Variants in IRAK1BP1 observed in about 807,000 individuals in gnomAD.
IRAK1BP1 encodes interleukin-1 receptor-associated kinase 1-binding protein 1.
Under a neutral mutation model 28.0 loss-of-function variants are expected in IRAK1BP1, and 24 were observed. That is an observed-to-expected ratio of 0.86 (90% CI 0.62 to 1.20). The LOEUF is 1.20. Ranked by LOEUF, IRAK1BP1 falls within the 50% of genes most tolerant of loss-of-function variation. The pLI is 0.00. For synonymous variants in IRAK1BP1, 131 were observed against 116.3 expected (o/e 1.13, Z -0.81); for missense variants, 336 against 316.7 (o/e 1.06, Z -0.46).
intron 4 of IRAK1BP1, among the ~76,000 whole-genome samples, chr6:78,929,216 G>A (rs887107017): frequency 6.6e-6 from 1 of 152,006 alleles, no homozygotes; most frequent in Non-Finnish European, 1.5e-5. Flanking sequence ...TGAAGTTTTG[G>A]ATTTCTTAAT....
chr6:78,880,755 G>A (rs1771200255), intron 1 of IRAK1BP1, among the ~76,000 whole-genome samples: 2 of 152,088 alleles, frequency 1.3e-5, no homozygotes, highest in South Asian at 2.1e-4. Context: ...TTATACAGAT[G>A]GCAAATAGGC....
downstream of IRAK1BP1, among the ~76,000 whole-genome samples, chr6:78,905,154 TGAAAAA>T (rs1160242003): frequency 2.6e-5 from 4 of 152,266 alleles, no homozygotes; most frequent in African/African-American, 7.2e-5. Flanking sequence ...ATTAAATACT[TGAAAAA>T]GAAGAAATAG....
At chr6:78,968,264 A>T in the IRAK1BP1 span, among the ~76,000 whole-genome samples, 1 of 152,242 alleles carries the variant, frequency 6.6e-6, no homozygotes, top group African/African-American at 2.4e-5. Context: ...CTACTTCTTG[A>T]CTTACAGATT....
chr6:78,907,719 TTTA>T (rs968546101), downstream of IRAK1BP1, among the ~76,000 whole-genome samples: 3 of 152,054 alleles, frequency 2.0e-5, no homozygotes, highest in African/African-American at 7.2e-5. Flanking sequence ...TTTTTATTTA[TTTA>T]TTATTATTTT....
intron 4 of IRAK1BP1, chr6:78,937,736 A>C (rs1379050143): frequency 6.6e-6 from 1 of 151,762 alleles, no homozygotes; most frequent in Non-Finnish European, 1.5e-5. Flanking sequence ...ATAGCAGGTC[A>C]CAAAGGATAA....
chr6:78,945,425 T>C (rs748557453), exon 5 of IRAK1BP1: 1 of 1,611,354 alleles, frequency 6.2e-7, no homozygotes, highest in Non-Finnish European at 8.5e-7. Context: ...CCTAGTGCCA[T>C]GACTAAAACT....
the IRAK1BP1 span, chr6:78,957,838 TAATA>T: frequency 6.6e-6 from 1 of 152,032 alleles, no homozygotes; most frequent in Non-Finnish European, 1.5e-5. Context: ...ACTTCTGCCT[TAATA>T]AATAGTGCTT....
chr6:78,963,049 C>T, the IRAK1BP1 span: 7 of 1,505,364 alleles, frequency 4.7e-6, no homozygotes, highest in Non-Finnish European at 6.2e-6. Flanking sequence ...TTTTCCATTA[C>T]TTTGTGTTCT....
intron 1 of IRAK1BP1, among the ~76,000 whole-genome samples, chr6:78,868,165 A>G (rs941238059): frequency 1.1e-4 from 17 of 152,244 alleles, no homozygotes; most frequent in African/African-American, 3.9e-4. Context: ...TATTTGCTTC[A>G]GTGATTTTGT....
chr6:78,926,611 C>A (rs1392793906), intron 4 of IRAK1BP1, among the ~76,000 whole-genome samples: 1 of 151,970 alleles, frequency 6.6e-6, no homozygotes, highest in Non-Finnish European at 1.5e-5. Context: ...ACTATAGTCA[C>A]CCTGTTGTGC....
At chr6:78,969,322 A>T in the IRAK1BP1 span, among the ~76,000 whole-genome samples, 1 of 152,208 alleles carries the variant, frequency 6.6e-6, no homozygotes. Flanking sequence ...GTCCTATATG[A>T]AATTTTTAAG....
At chr6:78,969,986 T>A in the IRAK1BP1 span, 1 of 1,594,336 alleles carries the variant, frequency 6.3e-7, no homozygotes, top group South Asian at 1.1e-5. Flanking sequence ...TTCAAATGTA[T>A]CTGAATCTTG....
intron 2 of IRAK1BP1, among the ~76,000 whole-genome samples, chr6:78,896,373 G>A (rs985652694): frequency 1.4e-5 from 2 of 146,744 alleles, no homozygotes; most frequent in African/African-American, 5.0e-5. Context: ...ATCATGTAAC[G>A]AATACTATTC....
chr6:78,903,369 T>C (rs1772170243), downstream of IRAK1BP1, among the ~76,000 whole-genome samples: 1 of 151,916 alleles, frequency 6.6e-6, no homozygotes, highest in Admixed American at 6.6e-5. Context: ...CACACGCCTG[T>C]AATCCCAGCT....
At chr6:78,905,949 A>G, downstream of IRAK1BP1, among the ~76,000 whole-genome samples, 1 of 152,200 alleles carries the variant, frequency 6.6e-6, no homozygotes, top group Non-Finnish European at 1.5e-5. Flanking sequence ...AATTCAATAC[A>G]TCTGTACCTA....
Position 78,901,491 on chromosome 6 carries a change from AC to A in IRAK1BP1, c.*3158del, listed in dbSNP as rs1302462299. The A allele has an allele frequency of 3.9e-5, 6 of 152,040 alleles. No homozygotes were observed. Among genetic ancestry groups the A allele is most frequent in the Non-Finnish European group, 8.8e-5 (6 of 67,978 alleles). The allele number at this position is 152,040 out of a possible 1,614,324, so 9.4% of individuals were successfully genotyped here. A position where few individuals can be genotyped will look rare whatever the true frequency, so the allele number is the denominator to read the frequency against. On this transcript the variant is annotated 3_prime_UTR_variant, in exon 4 of 4. Coordinates refer to ENST00000369940, the MANE Select transcript of IRAK1BP1 (RefSeq NM_001010844.4). Reference sequence around the variant, plus strand: ...GTCTACTAGAATAAACCTATCCTAAACTTAATCCTGTTAGAATTTCCTTCTT... The same window carrying A: ...GTCTACTAGAATAAACCTATCCTAAATTAATCCTGTTAGAATTTCCTTCTT...
chr6:78,963,201 C>T, the IRAK1BP1 span: 14 of 1,609,528 alleles, frequency 8.7e-6, no homozygotes, highest in Non-Finnish European at 9.3e-6. Flanking sequence ...TAGTGATCTG[C>T]ACTCACCATC....
chr6:78,953,472 C>A, the IRAK1BP1 span, among the ~76,000 whole-genome samples: 2 of 152,122 alleles, frequency 1.3e-5, no homozygotes, highest in Non-Finnish European at 2.9e-5. Flanking sequence ...CATAGCTGAG[C>A]TTGCAAGAAC....
chr6:78,932,293 C>T lies in IRAK1BP1; in HGVS notation c.*68-13115C>T, dbSNP rs190897163. Among the ~76,000 whole-genome samples the T allele has an allele frequency of 1.5e-3, 231 of 152,210 alleles. 1 individual carries two copies. The highest frequency in any genetic ancestry group is 4.9e-3 in the African/African-American group (205 of 41,536). The stretch of plus-strand genomic sequence containing the variant: ...GTTGATATTTTGATCTCCAATGAAT[C>T]ACGAACGTTCTTAATGGCATCTAGA... On this transcript the variant is annotated intron_variant and NMD_transcript_variant, in intron 4 of 4. Coordinates refer to the IRAK1BP1 transcript ENST00000606868.
Sources: gnomAD v4.1 joint callset for allele counts (sites outside exome capture counted in the v4.1 genomes callset) on GRCh38, gnomAD v4.1.1 for gene constraint, MANE v1.5 for transcripts, NCBI Gene and HGNC (gene_info 2026-07-23, HGNC 2026-07-21) for gene names.